Variants in TRAPPC12 observed in about 807,000 individuals in gnomAD.
The protein encoded by TRAPPC12 is TPR repeat protein 15.
Under a neutral mutation model 69.2 loss-of-function variants are expected in TRAPPC12, and 61 were observed. That is an observed-to-expected ratio of 0.88 (90% CI 0.72 to 1.09). TRAPPC12 has a LOEUF of 1.09. Among genes scored for constraint, TRAPPC12 ranks in the 50% least tolerant of loss-of-function variants. TRAPPC12 has a pLI of 0.00. For missense variants in TRAPPC12, 1,101 were observed against 1,016.4 expected (o/e 1.08, Z -1.13); for synonymous variants, 469 against 438.9 (o/e 1.07, Z -0.86).
chr2:3,420,056 C>T (rs1423074840), intron 3 of TRAPPC12, among the ~76,000 whole-genome samples: 1 of 152,212 alleles, frequency 6.6e-6, no homozygotes, highest in African/African-American at 2.4e-5. Flanking sequence ...TATATCCACA[C>T]AAGAATCTGC....
At chr2:3,477,928 C>T (rs747383799) in intron 10 of TRAPPC12, 133 bp downstream of exon 10, 248 of 562,012 alleles carry the variant, frequency 4.4e-4, no homozygotes, top group Non-Finnish European at 7.0e-4. Context: ...TCTCTCAGAG[C>T]GGAGACCCAA....
chr2:3,409,774 AAAAAGG>A (rs1661949014), intron 3 of TRAPPC12, among the ~76,000 whole-genome samples: 3 of 147,770 alleles, frequency 2.0e-5, no homozygotes, highest in South Asian at 2.2e-4. Flanking sequence ...AAAAAAAAAA[AAAAAGG>A]GGAAGAAATG....
chr2:3,463,528 A>G (rs11693786), intron 8 of TRAPPC12, among the ~76,000 whole-genome samples: 18,421 of 150,448 alleles, frequency 0.12, 3,157 homozygotes, highest in African/African-American at 0.39. Context: ...TTCCCATCAA[A>G]GAGCATGGCT....
At chr2:3,412,795 C>T (rs1398745692) in intron 3 of TRAPPC12, among the ~76,000 whole-genome samples, 1 of 152,162 alleles carries the variant, frequency 6.6e-6, no homozygotes, top group Non-Finnish European at 1.5e-5. Context: ...TTTCCTGTGA[C>T]CTGTTCTGTT....
intron 3 of TRAPPC12, among the ~76,000 whole-genome samples, chr2:3,403,055 G>A (rs144700528): frequency 5.3e-4 from 80 of 152,100 alleles, no homozygotes; most frequent in African/African-American, 1.8e-3. Flanking sequence ...GTATTTCAGC[G>A]GCACATGGTC....
chr2:3,403,321 C>T (rs1342401511), intron 3 of TRAPPC12, among the ~76,000 whole-genome samples: 1 of 151,268 alleles, frequency 6.6e-6, no homozygotes, highest in Non-Finnish European at 1.5e-5. Context: ...CAACCTCCAC[C>T]TCCCGGGTTC....
intron 5 of TRAPPC12, among the ~76,000 whole-genome samples, chr2:3,441,488 C>A (rs913136674): frequency 1.3e-5 from 2 of 151,884 alleles, no homozygotes; most frequent in African/African-American, 2.4e-5. Context: ...TTTTGACTAG[C>A]CTGGGGAGAG....
At chr2:3,407,352 C>T (rs778570435) in intron 3 of TRAPPC12, among the ~76,000 whole-genome samples, 2 of 152,204 alleles carry the variant, frequency 1.3e-5, no homozygotes, top group Admixed American at 6.5e-5. Flanking sequence ...AGCAAAAAAA[C>T]GTAAAAGTAG....
At chr2:3,469,692 C>T (rs1665977807) in intron 9 of TRAPPC12, among the ~76,000 whole-genome samples, 1 of 152,212 alleles carries the variant, frequency 6.6e-6, no homozygotes, top group Non-Finnish European at 1.5e-5. Flanking sequence ...GCCATGTCAC[C>T]TTATGTGCGT....
Position 3,387,633 on chromosome 2 carries a change from G to T in TRAPPC12, c.10G>T (p.Ala4Ser), listed in dbSNP as rs1173815158. Residue 4 changes from alanine to serine, a missense_variant, in exon 2 of 12, where the codon GCT (alanine) becomes TCT (serine). Physicochemically the swap from Ala to Ser is moderately conservative, Grantham distance 99. Coordinates refer to ENST00000324266, the MANE Select transcript of TRAPPC12 (RefSeq NM_016030.6). MED[A>S]GGGEETPAPE... ...CTTTGCTTTCAGGGTCATGGAGGAC[G>T]CTGGCGGCGGCGAGGAGACCCCGGC... The T allele has an allele frequency of 6.5e-7, 1 of 1,541,624 alleles. No homozygotes were observed. Among genetic ancestry groups the T allele is most frequent in the Admixed American group, 2.0e-5 (1 of 50,104 alleles).
rs773878471 is a variant in TRAPPC12, at chr2:3,430,555, A to G, written c.1417+5892A>G. 4.6e-5 allele frequency among the ~76,000 whole-genome samples: 7 copies of G among 152,368 alleles called. No individual in the cohort carries two copies. In the East Asian group the frequency reaches 9.6e-4, roughly 21 times the overall value. The stretch of plus-strand genomic sequence containing the variant: ...TTATTAATTGGTTGAGGTTCATTCT[A>G]TATAGCAGGTATTTAATCCTTCATC... On this transcript the variant is annotated intron_variant, in intron 5 of 11. Transcript: ENST00000324266.
chr2:3,456,613 C>G (rs1179609394), intron 6 of TRAPPC12: 1 of 156,364 alleles, frequency 6.4e-6, no homozygotes, highest in Non-Finnish European at 1.4e-5. Flanking sequence ...GGGTCTCATT[C>G]TGTCACCCAG....
At chr2:3,430,737 A>C (rs902363372) in intron 5 of TRAPPC12, among the ~76,000 whole-genome samples, 1 of 152,250 alleles carries the variant, frequency 6.6e-6, no homozygotes, top group Non-Finnish European at 1.5e-5. Flanking sequence ...ACATACTGTT[A>C]TATCAGGAAT....
At position 3,443,887 on chromosome 2, in the gene TRAPPC12, G is replaced by A. The variant is rs750280628; in HGVS notation, c.1526G>A (p.Ser509Asn). Residue 509 changes from serine to asparagine, a missense_variant, in exon 6 of 12, where the codon AGC becomes AAC. Coordinates refer to ENST00000324266, the MANE Select transcript of TRAPPC12 (RefSeq NM_016030.6). ...DRLHKVKTVC[S>N]KILANLEQGL... ...CTGCACAAGGTGAAGACTGTCTGCAGCAAGGTAGGTGGCGCTGTCATTCTT... is the reference window on the plus strand; with the variant it reads ...CTGCACAAGGTGAAGACTGTCTGCAACAAGGTAGGTGGCGCTGTCATTCTT... 6.2e-7 allele frequency: 1 copy of A among 1,613,038 alleles called. No individual in the cohort carries two copies. Among genetic ancestry groups the A allele is most frequent in the Non-Finnish European group, 8.5e-7 (1 of 1,179,250 alleles).
chr2:3,379,989 G>A (rs1240128304), intron 1 of TRAPPC12, 113 bp downstream of exon 1: 1 of 152,544 alleles, frequency 6.6e-6, no homozygotes, highest in Admixed American at 6.5e-5. Context: ...TGGGACCGAT[G>A]CTAGAGTGGG....
At chr2:3,389,756 C>T (rs1327260160) in intron 2 of TRAPPC12, 4 of 470,548 alleles carry the variant, frequency 8.5e-6, no homozygotes, top group East Asian at 7.0e-5. Context: ...CCAAGAAGAA[C>T]GAGATTATGC....
intron 3 of TRAPPC12, among the ~76,000 whole-genome samples, chr2:3,404,994 A>C (rs1661650479): frequency 6.6e-6 from 1 of 152,082 alleles, no homozygotes; most frequent in Non-Finnish European, 1.5e-5. Flanking sequence ...GAAGGATTTG[A>C]AAGGAATGAA....
intron 3 of TRAPPC12, among the ~76,000 whole-genome samples, chr2:3,413,451 T>A (rs949080962): frequency 2.0e-5 from 3 of 152,196 alleles, no homozygotes; most frequent in East Asian, 3.8e-4. Flanking sequence ...TCTTGTTGAG[T>A]GGTGTTCGGT....
rs766141599 is a variant in TRAPPC12 at position 3,421,989 on chromosome 2, C to G, written c.1273C>G (p.Leu425Val). 6 of 1,611,542 alleles carry G rather than the reference C, an allele frequency of 3.7e-6. No homozygotes were observed. The highest frequency in any genetic ancestry group is 2.7e-5 in the African/African-American group (2 of 74,920). Reference sequence around the variant, plus strand: ...GCTCACCAGCCACACGACAGATTCACTGCAGGTGAGAACACCTTTCAGGTG... The same window carrying G: ...GCTCACCAGCCACACGACAGATTCAGTGCAGGTGAGAACACCTTTCAGGTG... ...GLLTSHTTDS[L>V]QLWFVRLALL... The change falls in exon 4 of 12, where the codon CTG becomes GTG. Residue 425 changes from leucine to valine, a missense_variant. Coordinates refer to ENST00000324266, the MANE Select transcript of TRAPPC12 (RefSeq NM_016030.6).
Sources: allele counts gnomAD v4.1 joint callset (sites outside exome capture counted in the v4.1 genomes callset), GRCh38; gene constraint gnomAD v4.1.1; transcripts MANE v1.5; gene names NCBI Gene and HGNC (gene_info 2026-07-23, HGNC 2026-07-21).